Variants in SDHAF3 observed in about 807,000 individuals in gnomAD.
SDHAF3 encodes succinate dehydrogenase complex assembly factor 3.
In SDHAF3, 18 loss-of-function variants were observed where a neutral mutation model predicts 11.5. The observed-to-expected ratio is 1.56, with a 90% CI of 1.08 to 2.32. The LOEUF (loss-of-function observed/expected upper bound fraction) is 2.32, where lower values mean the gene tolerates loss of function less well. Among genes scored for constraint, SDHAF3 ranks in the 30% most tolerant of loss-of-function variants. SDHAF3 has a pLI of 0.00. For synonymous variants in SDHAF3, 72 were observed against 59.3 expected (o/e 1.21, Z -0.99); for missense variants, 200 against 154.4 (o/e 1.30, Z -1.57).
At chr7:97,177,222 G>T (rs1267357602) in intron 1 of SDHAF3, among the ~76,000 whole-genome samples, 1 of 151,890 alleles carries the variant, frequency 6.6e-6, no homozygotes, top group African/African-American at 2.4e-5. Flanking sequence ...AAGATATCCG[G>T]CCAGGCACAG....
intron 1 of SDHAF3, among the ~76,000 whole-genome samples, chr7:97,176,764 C>T (rs1789685835): frequency 6.6e-6 from 1 of 152,018 alleles, no homozygotes; most frequent in Non-Finnish European, 1.5e-5. Context: ...ACATTATTCC[C>T]ATAATTATTA....
rs557113543 is a variant in SDHAF3 at position 97,177,136 on chromosome 7, G to T, written c.175-3876G>T. ...GCTTAGGTATAGTATTTTGTATTCT[G>T]CTTGGAACTTGCTAAGCTTCTTGAA... On this transcript the variant is annotated intron_variant, in intron 1 of 1. Coordinates refer to ENST00000432641, the MANE Select transcript of SDHAF3 (RefSeq NM_020186.3). Among the ~76,000 whole-genome samples the T allele has an allele frequency of 4.3e-4, 66 of 151,766 alleles. 1 individual carries two copies. The highest frequency in any genetic ancestry group is 1.5e-3 in the African/African-American group (62 of 41,376).
intron 1 of SDHAF3, among the ~76,000 whole-genome samples, chr7:97,131,749 A>G (rs997523202): frequency 2.0e-5 from 3 of 152,196 alleles, no homozygotes; most frequent in Admixed American, 1.3e-4. Flanking sequence ...ATAGGAAAAA[A>G]CTTAAAGCTT....
At chr7:97,151,148 A>G (rs1789212834) in intron 1 of SDHAF3, among the ~76,000 whole-genome samples, 1 of 152,170 alleles carries the variant, frequency 6.6e-6, no homozygotes. Flanking sequence ...GGTGACGGGA[A>G]CTTTTACTGC....
At chr7:97,171,232 T>G (rs1033788649) in intron 1 of SDHAF3, among the ~76,000 whole-genome samples, 3 of 152,152 alleles carry the variant, frequency 2.0e-5, no homozygotes, top group Admixed American at 2.0e-4. Flanking sequence ...TCAGTGTTGC[T>G]AAAGAGAATC....
intron 1 of SDHAF3, among the ~76,000 whole-genome samples, chr7:97,163,168 CTT>C (rs58956333): frequency 1.6e-3 from 199 of 125,014 alleles, no homozygotes; most frequent in African/African-American, 5.0e-3. Flanking sequence ...GTTTAAAGTC[CTT>C]TTTTTTTTTT....
At chr7:97,172,427 T>C (rs1189909506) in intron 1 of SDHAF3, among the ~76,000 whole-genome samples, 1 of 152,172 alleles carries the variant, frequency 6.6e-6, no homozygotes, top group Non-Finnish European at 1.5e-5. Flanking sequence ...CCAAAATCCA[T>C]TGTTTTCTTG....
chr7:97,117,972 C>A, intron 1 of SDHAF3, 75 bp downstream of exon 1: 1 of 1,549,350 alleles, frequency 6.5e-7, no homozygotes, highest in Non-Finnish European at 8.8e-7. Context: ...TCCAGTCCCC[C>A]ATGCGGGGTT....
intron 1 of SDHAF3, among the ~76,000 whole-genome samples, chr7:97,136,826 G>A (rs1263759496): frequency 6.6e-6 from 1 of 152,080 alleles, no homozygotes; most frequent in Non-Finnish European, 1.5e-5. Context: ...ATTGCTCTGT[G>A]TAATACTTGG....
intron 1 of SDHAF3, among the ~76,000 whole-genome samples, chr7:97,156,700 C>T (rs986143583): frequency 6.6e-6 from 1 of 152,068 alleles, no homozygotes; most frequent in African/African-American, 2.4e-5. Flanking sequence ...TTATTTATTG[C>T]CTGTATTCTA....
chr7:97,127,510 G>A (rs2115627290), intron 1 of SDHAF3, among the ~76,000 whole-genome samples: 1 of 152,226 alleles, frequency 6.6e-6, no homozygotes, highest in South Asian at 2.1e-4. Flanking sequence ...TGATTTTGAA[G>A]TGGATCATCA....
At chr7:97,161,475 G>T (rs1395496346) in intron 1 of SDHAF3, among the ~76,000 whole-genome samples, 1 of 152,112 alleles carries the variant, frequency 6.6e-6, no homozygotes, top group Non-Finnish European at 1.5e-5. Flanking sequence ...GGGTACATGT[G>T]CAGAATGTGC....
At chr7:97,124,917 AAATACAC>A (rs1290319569) in intron 1 of SDHAF3, among the ~76,000 whole-genome samples, 2 of 152,186 alleles carry the variant, frequency 1.3e-5, no homozygotes, top group African/African-American at 4.8e-5. Context: ...GGGGTTTTCT[AAATACAC>A]AATCAGGTCA....
chr7:97,155,750 G>C (rs564464514), intron 1 of SDHAF3, among the ~76,000 whole-genome samples: 27 of 151,998 alleles, frequency 1.8e-4, no homozygotes, highest in African/African-American at 6.3e-4. Flanking sequence ...TTATTTACAT[G>C]GTGACTACTT....
rs374226906 is a variant in SDHAF3, at chr7:97,124,915, C to G, written c.174+7018C>G. Among the ~76,000 whole-genome samples, 3 of 152,244 alleles carry G rather than the reference C, an allele frequency of 2.0e-5. No homozygotes were observed. In the East Asian group the frequency reaches 5.8e-4, roughly 29 times the overall value. On this transcript the variant is annotated intron_variant, in intron 1 of 1. Transcript: ENST00000432641. Reference sequence around the variant, plus strand: ...TTTTGGGCTGAGACGATGGGGTTTTCTAAATACACAATCAGGTCATCTGCA... The same window carrying G: ...TTTTGGGCTGAGACGATGGGGTTTTGTAAATACACAATCAGGTCATCTGCA...
intron 1 of SDHAF3, chr7:97,135,333 C>G: frequency 6.6e-6 from 1 of 152,088 alleles, no homozygotes; most frequent in East Asian, 1.9e-4. Flanking sequence ...ACATTAGGAT[C>G]CTTCTTCCTG....
intron 1 of SDHAF3, among the ~76,000 whole-genome samples, chr7:97,164,278 AGTGCG>A (rs1408817563): frequency 6.6e-6 from 1 of 150,478 alleles, no homozygotes; most frequent in Non-Finnish European, 1.5e-5. Context: ...CCCAGGCTGG[AGTGCG>A]GTGACAAAAT....
chr7:97,147,681 A>G (rs1789156287), intron 1 of SDHAF3, among the ~76,000 whole-genome samples: 1 of 152,192 alleles, frequency 6.6e-6, no homozygotes, highest in Admixed American at 6.5e-5. Context: ...CTGTATAAAT[A>G]CAGATTTTTA....
chr7:97,135,682 A>ATATATATATATATATTTT (rs1491358723), intron 1 of SDHAF3: 1 of 61,836 alleles, frequency 1.6e-5, no homozygotes, highest in African/African-American at 7.3e-5. Context: ...ATATATATAT[A>ATATATATATATATATTTT]TTTTTTTTTT....
Sources: gnomAD v4.1 joint callset for allele counts (sites outside exome capture counted in the v4.1 genomes callset) on GRCh38, gnomAD v4.1.1 for gene constraint, MANE v1.5 for transcripts, NCBI Gene and HGNC (gene_info 2026-07-23, HGNC 2026-07-21) for gene names.